SV2C: variants seen among roughly 807,000 people sequenced by gnomAD.
SV2C encodes solute carrier family 22 member B3.
A neutral mutation model predicts 79.7 loss-of-function variants in SV2C; 49 were observed. The ratio of observed to expected loss-of-function variants is 0.61; its 90% CI spans 0.49 to 0.78. The LOEUF (loss-of-function observed/expected upper bound fraction) is 0.78. Ranked by LOEUF, SV2C falls within the 30% of genes least tolerant of loss-of-function variation. The pLI is 0.00. For missense variants in SV2C, 833 were observed against 912.9 expected (o/e 0.91, Z 1.13); for synonymous variants, 334 against 333.2 (o/e 1.00, Z -0.03).
chr5:76,293,718 A>C (rs1277943232), intron 8 of SV2C, among the ~76,000 whole-genome samples: 1 of 152,178 alleles, frequency 6.6e-6, no homozygotes, highest in South Asian at 2.1e-4. Flanking sequence ...TGTTTTTGGA[A>C]TCCTAATGAC....
chr5:75,920,816 G>A, the SV2C span: 18 of 767,888 alleles, frequency 2.3e-5, no homozygotes, highest in South Asian at 6.7e-5. Flanking sequence ...CAGGCGAGAC[G>A]TTCTTCAGGC....
the SV2C span, among the ~76,000 whole-genome samples, chr5:75,947,649 T>A: frequency 4.6e-5 from 7 of 152,078 alleles, no homozygotes; most frequent in African/African-American, 1.7e-4. Context: ...ACAGCTCATT[T>A]CTTCCTGAGT....
intron 12 of SV2C, among the ~76,000 whole-genome samples, chr5:76,309,599 C>CAAAAAAAAA (rs769865757): frequency 5.3e-5 from 1 of 18,708 alleles, no homozygotes; most frequent in Non-Finnish European, 1.4e-4. Context: ...AACTCCATCT[C>CAAAAAAAAA]AAAAAAAAAA....
chr5:76,190,304 A>C (rs940663778), intron 2 of SV2C, among the ~76,000 whole-genome samples: 3 of 152,234 alleles, frequency 2.0e-5, no homozygotes, highest in African/African-American at 7.2e-5. Flanking sequence ...AAAAGTGTGA[A>C]TTTAGAGCCA....
chr5:76,280,610 T>C (rs1406582101), intron 4 of SV2C, among the ~76,000 whole-genome samples: 1 of 152,138 alleles, frequency 6.6e-6, no homozygotes. Flanking sequence ...GAGAGGCTTC[T>C]GGAGAAGTCC....
chr5:76,344,362 C>T (rs1749498022), intron 12 of SV2C, among the ~76,000 whole-genome samples: 1 of 152,198 alleles, frequency 6.6e-6, no homozygotes, highest in African/African-American at 2.4e-5. Context: ...ATTAATTGAG[C>T]TCCATCTACG....
chr5:75,928,427 CTTAGTA>C, the SV2C span, among the ~76,000 whole-genome samples: 3 of 152,126 alleles, frequency 2.0e-5, no homozygotes, highest in Non-Finnish European at 4.4e-5. Context: ...CATGTATTTA[CTTAGTA>C]TTAGGATGTG....
In SV2C at chr5:76,179,996, G is replaced by C. The variant is rs560622597; in HGVS notation, c.581-14923G>C. Reference sequence around the variant, plus strand: ...TTAAGAGAGGGATCTTGGAGGCTTTGTGCAATTATTTTCCTATGAATGTTG... The same window carrying C: ...TTAAGAGAGGGATCTTGGAGGCTTTCTGCAATTATTTTCCTATGAATGTTG... On this transcript the variant is annotated intron_variant, in intron 2 of 12. Coordinates refer to ENST00000502798, the MANE Select transcript of SV2C (RefSeq NM_014979.4). 4.4e-4 allele frequency among the ~76,000 whole-genome samples: 67 copies of C among 152,242 alleles called. 4 individuals carry two copies. In the South Asian group the frequency reaches 0.013, roughly 31 times the overall value.
chr5:75,938,706 C>T, the SV2C span, among the ~76,000 whole-genome samples: 3,344 of 152,202 alleles, frequency 0.022, 50 homozygotes, highest in Middle Eastern at 0.11. Flanking sequence ...GTTTCTTGAT[C>T]TGGTAACACG....
At chr5:76,161,101 T>C (rs1455999803) in intron 2 of SV2C, among the ~76,000 whole-genome samples, 1 of 152,142 alleles carries the variant, frequency 6.6e-6, no homozygotes, top group African/African-American at 2.4e-5. Context: ...TCATAGTAGC[T>C]AAAAGGTGAA....
chr5:75,914,878 C>T, the SV2C span, among the ~76,000 whole-genome samples: 1 of 152,066 alleles, frequency 6.6e-6, no homozygotes, highest in African/African-American at 2.4e-5. Context: ...GGGCAATTTA[C>T]AAAAGAAAGA....
At chr5:75,877,473 T>C in the SV2C span, among the ~76,000 whole-genome samples, 1 of 152,014 alleles carries the variant, frequency 6.6e-6, no homozygotes, top group South Asian at 2.1e-4. Flanking sequence ...TCTTCTCTAA[T>C]GCACACACAT....
At chr5:76,029,931 G>A in the SV2C span, among the ~76,000 whole-genome samples, 1 of 152,112 alleles carries the variant, frequency 6.6e-6, no homozygotes, top group Non-Finnish European at 1.5e-5. Flanking sequence ...CTTGAAGTAG[G>A]TTCTGTCTCT....
chr5:76,105,623 T>C lies in SV2C; in HGVS notation c.-102+22111T>C, dbSNP rs1016626662. Reference sequence around the variant, plus strand: ...CCTTGCAGTTGCTACCTTTGTGATATTTTACAGTTCTCTTTTTGCCCTTTT... The same window carrying C: ...CCTTGCAGTTGCTACCTTTGTGATACTTTACAGTTCTCTTTTTGCCCTTTT... On this transcript the variant is annotated intron_variant, in intron 1 of 12. Transcript: ENST00000502798. 9.2e-5 allele frequency among the ~76,000 whole-genome samples: 14 copies of C among 152,292 alleles called. No individual in the cohort carries two copies. In the South Asian group the frequency reaches 1.9e-3, roughly 20 times the overall value.
Position 76,330,273 on chromosome 5 carries a change from A to C in SV2C, c.*4726A>C, listed in dbSNP as rs1271768931. The C allele has an allele frequency of 6.6e-6, 1 of 152,190 alleles. No individual in the cohort carries two copies. The highest frequency in any genetic ancestry group is 1.5e-5 in the Non-Finnish European group (1 of 68,036). 9.4% of individuals were successfully genotyped at this position (152,190 alleles called of 1,614,324 possible). A position where few individuals can be genotyped will look rare whatever the true frequency, so the allele number is the denominator to read the frequency against. On this transcript the variant is annotated 3_prime_UTR_variant, in exon 13 of 13. Transcript: ENST00000502798. Reference sequence around the variant, plus strand: ...AAACAATATCTAAATGCAGTTTAGTAATCCCAGGATTTTGAGTTACAAGAA... The same window carrying C: ...AAACAATATCTAAATGCAGTTTAGTCATCCCAGGATTTTGAGTTACAAGAA...
the SV2C span, among the ~76,000 whole-genome samples, chr5:75,992,755 C>G: frequency 2.5e-5 from 2 of 80,416 alleles, no homozygotes; most frequent in African/African-American, 1.0e-4. Flanking sequence ...AGAAAATAAA[C>G]AAGAAGTGAT....
At chr5:76,075,259 T>G in the SV2C span, among the ~76,000 whole-genome samples, 2 of 152,204 alleles carry the variant, frequency 1.3e-5, no homozygotes, top group Non-Finnish European at 2.9e-5. Context: ...CTTTGCTGCA[T>G]TTATATTTTC....
At chr5:76,065,165 T>C in the SV2C span, among the ~76,000 whole-genome samples, 5 of 152,190 alleles carry the variant, frequency 3.3e-5, no homozygotes, top group African/African-American at 1.2e-4. Context: ...ATCTGAACCT[T>C]CAGTGCATGT....
the SV2C span, among the ~76,000 whole-genome samples, chr5:76,060,075 C>T: frequency 4.6e-5 from 7 of 152,240 alleles, no homozygotes; most frequent in East Asian, 1.9e-4. Flanking sequence ...CAGTAAACCA[C>T]GCTGTAAACA....
Sources: allele counts gnomAD v4.1 joint callset (sites outside exome capture counted in the v4.1 genomes callset), GRCh38; gene constraint gnomAD v4.1.1; transcripts MANE v1.5; gene names NCBI Gene and HGNC (gene_info 2026-07-23, HGNC 2026-07-21).